Variants in ATP8A1 observed in about 807,000 individuals in gnomAD.
ATP8A1 encodes phospholipid-transporting ATPase IA.
A neutral mutation model predicts 177.7 loss-of-function variants in ATP8A1; 90 were observed. That is an observed-to-expected ratio of 0.51 (90% CI 0.43 to 0.60). The LOEUF is 0.60. Among genes scored for constraint, ATP8A1 ranks in the 20% least tolerant of loss-of-function variants. The pLI is 0.00. For missense variants in ATP8A1, 1,072 were observed against 1,392.8 expected, an observed-to-expected ratio of 0.77 and a Z score of 3.67; for synonymous variants, 493 against 485.9, an observed-to-expected ratio of 1.01 and a Z score of -0.19.
chr4:42,549,329 G>T (rs1267686405), intron 18 of ATP8A1, among the ~76,000 whole-genome samples: 2 of 152,162 alleles, frequency 1.3e-5, no homozygotes, highest in Non-Finnish European at 2.9e-5. Flanking sequence ...AGAATGGAGG[G>T]CTTCAAAAGG....
chr4:42,577,954 T>G (rs1367070466), intron 12 of ATP8A1, among the ~76,000 whole-genome samples: 1 of 152,128 alleles, frequency 6.6e-6, no homozygotes, highest in Non-Finnish European at 1.5e-5. Context: ...CTTGAGAAAG[T>G]TGATACACCT....
intron 20 of ATP8A1, among the ~76,000 whole-genome samples, chr4:42,540,729 A>AAAT (rs1162875893): frequency 6.6e-6 from 1 of 152,104 alleles, no homozygotes; most frequent in Non-Finnish European, 1.5e-5. Context: ...GAGCTAAAAA[A>AAAT]AATATGATCA....
intron 20 of ATP8A1, among the ~76,000 whole-genome samples, chr4:42,528,653 T>C (rs760140272): frequency 2.0e-5 from 3 of 152,072 alleles, no homozygotes; most frequent in Non-Finnish European, 4.4e-5. Context: ...CAATTTGCCT[T>C]CAACATACCT....
intron 1 of ATP8A1, among the ~76,000 whole-genome samples, chr4:42,646,223 T>G (rs571923942): frequency 6.6e-6 from 1 of 152,262 alleles, no homozygotes; most frequent in South Asian, 2.1e-4. Context: ...GAGTCCAAGC[T>G]AGGGTTGGGA....
chr4:42,623,067 T>C (rs897301267), intron 4 of ATP8A1, among the ~76,000 whole-genome samples: 2 of 145,278 alleles, frequency 1.4e-5, no homozygotes, highest in Non-Finnish European at 3.0e-5. Context: ...AAGGAAGACA[T>C]ACATGCGGCC....
At chr4:42,576,701 T>C (rs1273320891) in intron 12 of ATP8A1, among the ~76,000 whole-genome samples, 1 of 152,154 alleles carries the variant, frequency 6.6e-6, no homozygotes, top group Non-Finnish European at 1.5e-5. Context: ...TATTCTGAAC[T>C]GATCAACATC....
intron 33 of ATP8A1, among the ~76,000 whole-genome samples, chr4:42,440,089 G>A (rs1476839440): frequency 1.3e-5 from 2 of 152,092 alleles, no homozygotes; most frequent in Admixed American, 1.3e-4. Flanking sequence ...CAAACACAAC[G>A]GAGTCTGCCC....
chr4:42,570,843 C>G (rs1731830550), intron 14 of ATP8A1, among the ~76,000 whole-genome samples: 1 of 152,214 alleles, frequency 6.6e-6, no homozygotes, highest in South Asian at 2.1e-4. Flanking sequence ...TTTCTTAGGG[C>G]ATATTTCCTT....
intron 1 of ATP8A1, among the ~76,000 whole-genome samples, chr4:42,646,650 C>G (rs2109567792): frequency 6.6e-6 from 1 of 152,290 alleles, no homozygotes; most frequent in Non-Finnish European, 1.5e-5. Flanking sequence ...AGGTCTGGCC[C>G]ACTAAAGTGG....
chr4:42,588,343 T>C lies in ATP8A1; in HGVS notation c.525-14A>G. The C allele has an allele frequency of 6.2e-7, 1 of 1,609,312 alleles. No homozygotes were observed. The highest frequency in any genetic ancestry group is 8.5e-7 in the Non-Finnish European group (1 of 1,176,872). ...GCTTGGGGCTCACTGTAGTTTGGAGTTGAGAAGCACAAAGATTTAGTGCGG... is the reference window on the plus strand; with the variant it reads ...GCTTGGGGCTCACTGTAGTTTGGAGCTGAGAAGCACAAAGATTTAGTGCGG... On this transcript the variant is annotated splice_polypyrimidine_tract_variant and intron_variant, in intron 7 of 36. Coordinates refer to ENST00000381668, the MANE Select transcript of ATP8A1 (RefSeq NM_006095.2).
intron 29 of ATP8A1, among the ~76,000 whole-genome samples, chr4:42,453,198 A>T (rs1237272985): frequency 6.6e-6 from 1 of 152,116 alleles, no homozygotes; most frequent in Non-Finnish European, 1.5e-5. Context: ...AGAACCTCCG[A>T]CCCTTTTTAC....
chr4:42,543,794 C>A, intron 20 of ATP8A1, 123 bp downstream of exon 20: 2 of 661,228 alleles, frequency 3.0e-6, no homozygotes, highest in East Asian at 2.9e-5. Context: ...TATAAAACAC[C>A]AACAAAAGTG....
intron 5 of ATP8A1, among the ~76,000 whole-genome samples, chr4:42,602,605 A>G (rs1735401084): frequency 6.6e-6 from 1 of 152,030 alleles, no homozygotes; most frequent in South Asian, 2.1e-4. Flanking sequence ...CTCTACTAAA[A>G]AAACACCAAA....
chr4:42,542,103 G>C (rs1400546553), intron 20 of ATP8A1, among the ~76,000 whole-genome samples: 2 of 152,070 alleles, frequency 1.3e-5, no homozygotes, highest in Non-Finnish European at 2.9e-5. Context: ...TTGATAATGG[G>C]GAGGCTATGT....
chr4:42,575,761 A>T (rs1732382875), intron 12 of ATP8A1, 62 bp from the exon 13 acceptor site: 24 of 1,363,594 alleles, frequency 1.8e-5, no homozygotes, highest in Non-Finnish European at 2.5e-5. Context: ...GTGAAACTTT[A>T]AAAGAAAACA....
intron 14 of ATP8A1, among the ~76,000 whole-genome samples, chr4:42,571,251 A>G (rs1731875373): frequency 6.6e-6 from 1 of 152,216 alleles, no homozygotes; most frequent in Admixed American, 6.5e-5. Flanking sequence ...GCTAAACCAA[A>G]TACTGTCAAG....
At chr4:42,571,251 A>C (rs1731875373) in intron 14 of ATP8A1, among the ~76,000 whole-genome samples, 1 of 152,216 alleles carries the variant, frequency 6.6e-6, no homozygotes, top group African/African-American at 2.4e-5. Flanking sequence ...GCTAAACCAA[A>C]TACTGTCAAG....
intron 30 of ATP8A1, among the ~76,000 whole-genome samples, chr4:42,447,235 G>A (rs1328348801): frequency 6.6e-6 from 1 of 152,150 alleles, no homozygotes; most frequent in Non-Finnish European, 1.5e-5. Flanking sequence ...CCAGGTTGGA[G>A]TGCAGTGGCG....
At chr4:42,478,938 C>T (rs778544202) in intron 25 of ATP8A1, among the ~76,000 whole-genome samples, 28 of 152,006 alleles carry the variant, frequency 1.8e-4, no homozygotes, top group Admixed American at 1.3e-4. Context: ...GTGGAGAAAG[C>T]CAGTGAGGAG....
Sources: allele counts gnomAD v4.1 joint callset (sites outside exome capture counted in the v4.1 genomes callset), GRCh38; gene constraint gnomAD v4.1.1; transcripts MANE v1.5; gene names NCBI Gene and HGNC (gene_info 2026-07-23, HGNC 2026-07-21).